LRRC37B: variants seen among roughly 807,000 people sequenced by gnomAD.
LRRC37B encodes leucine-rich repeat-containing protein 37B.
In LRRC37B, 28 loss-of-function variants were observed where a neutral mutation model predicts 98.3. The ratio of observed to expected loss-of-function variants is 0.28; its 90% CI spans 0.21 to 0.39. The LOEUF is 0.39. Ranked by LOEUF, LRRC37B falls within the 10% of genes least tolerant of loss-of-function variation. The pLI is 1.00. For synonymous variants in LRRC37B, 364 were observed against 442.7 expected, an observed-to-expected ratio of 0.82 and a Z score of 2.23; for missense variants, 938 against 1,182.7, an observed-to-expected ratio of 0.79 and a Z score of 3.03.
At position 32,008,651 on chromosome 17, in the gene LRRC37B, C is replaced by T. The variant is rs866406525; in HGVS notation, c.-191+519C>T. 7.9e-5 allele frequency among the ~76,000 whole-genome samples: 12 copies of T among 152,336 alleles called. No homozygotes were observed. The Middle Eastern group carries it at 0.014, about 173-fold the overall frequency. ...ACACAGAAAAACATGCCTGTGTTCACACCCCTAGCTGTGGTTTTTAAATTG... is the reference window on the plus strand; with the variant it reads ...ACACAGAAAAACATGCCTGTGTTCATACCCCTAGCTGTGGTTTTTAAATTG... On this transcript the variant is annotated intron_variant, in intron 1 of 14. Transcript: ENST00000543378.
chr17:32,009,558 C>T (rs1013945488), intron 1 of LRRC37B, among the ~76,000 whole-genome samples: 1 of 152,174 alleles, frequency 6.6e-6, no homozygotes, highest in Non-Finnish European at 1.5e-5. Flanking sequence ...CAGGCATGAG[C>T]CGCCATGCCT....
rs765622748 is a variant in LRRC37B at position 32,053,364 on chromosome 17, G to A, written c.*36G>A. 3 of 1,511,824 alleles carry A rather than the reference G, an allele frequency of 2.0e-6. No individual in the cohort carries two copies. The Admixed American group carries it at 6.8e-5, about 34-fold the overall frequency. 93.7% of individuals were successfully genotyped at this position (1,511,824 alleles called of 1,614,324 possible). Reference sequence around the variant, plus strand: ...AAGCATGTGGATGGCCTGGAGCTATGTTTTTAAAATTGTTATTAAATATTG... The same window carrying A: ...AAGCATGTGGATGGCCTGGAGCTATATTTTTAAAATTGTTATTAAATATTG... On this transcript the variant is annotated 3_prime_UTR_variant, in exon 12 of 12. Transcript: ENST00000327564.
intron 7 of LRRC37B, chr17:32,040,813 C>A: frequency 1.2e-6 from 1 of 826,910 alleles, no homozygotes; most frequent in South Asian, 1.4e-5. Flanking sequence ...GTGAAGGACT[C>A]CCTGGACATA....
At chr17:32,023,226 A>G (rs1232730262) in intron 1 of LRRC37B, among the ~76,000 whole-genome samples, 1 of 149,280 alleles carries the variant, frequency 6.7e-6, no homozygotes, top group African/African-American at 2.5e-5. Context: ...GGTTCAAGTG[A>G]TTCTCCTGCC....
intron 7 of LRRC37B, among the ~76,000 whole-genome samples, chr17:32,037,878 C>G (rs1351771637): frequency 6.6e-6 from 1 of 151,938 alleles, no homozygotes; most frequent in Non-Finnish European, 1.5e-5. Context: ...GAGGCCAAGG[C>G]GGGTGGATCA....
At chr17:32,047,335 AC>A (rs1306276257) in intron 8 of LRRC37B, 1 of 227,614 alleles carries the variant, frequency 4.4e-6, no homozygotes, top group Non-Finnish European at 8.8e-6. Context: ...TAGCAAGAAC[AC>A]GGGCACACTG....
intron 9 of LRRC37B, 24 bp downstream of exon 12, chr17:32,047,925 G>T (rs753936900): frequency 6.2e-7 from 1 of 1,614,134 alleles, no homozygotes; most frequent in Non-Finnish European, 8.5e-7. Context: ...CACCAATGAC[G>T]AGAGTGATGT....
intron 7 of LRRC37B, among the ~76,000 whole-genome samples, chr17:32,038,396 C>T (rs1157783720): frequency 6.6e-6 from 1 of 151,582 alleles, no homozygotes; most frequent in Non-Finnish European, 1.5e-5. Flanking sequence ...GAGGTCGAGG[C>T]TCTGCAGTGA....
At chr17:32,011,363 T>A (rs576217687) in intron 1 of LRRC37B, among the ~76,000 whole-genome samples, 3 of 152,186 alleles carry the variant, frequency 2.0e-5, no homozygotes, top group Admixed American at 2.0e-4. Flanking sequence ...CTTTGATTTT[T>A]CTTTCTTTCT....
At chr17:32,041,002 A>G (rs1911410680) in intron 7 of LRRC37B, 2 of 797,582 alleles carry the variant, frequency 2.5e-6, no homozygotes, top group Non-Finnish European at 4.6e-6. Context: ...GAGGACTCCA[A>G]GGAGGTAGCA....
intron 3 of LRRC37B, among the ~76,000 whole-genome samples, chr17:32,029,854 G>A (rs901977325): frequency 5.3e-5 from 8 of 152,156 alleles, no homozygotes; most frequent in African/African-American, 1.7e-4. Flanking sequence ...TCTGGACTCC[G>A]CCCTCATAGT....
chr17:32,025,499 G>C (rs2142244270), intron 2 of LRRC37B, among the ~76,000 whole-genome samples: 1 of 151,568 alleles, frequency 6.6e-6, no homozygotes, highest in East Asian at 1.9e-4. Context: ...AAGCAAAATA[G>C]ATTTGTTGTG....
chr17:32,032,445 A>G (rs1281413807), intron 5 of LRRC37B, among the ~76,000 whole-genome samples: 3 of 152,172 alleles, frequency 2.0e-5, no homozygotes, highest in Non-Finnish European at 4.4e-5. Flanking sequence ...CTTCTACCGT[A>G]AGTGCAAAAA....
chr17:32,022,284 T>C (rs762363996), exon 1 of LRRC37B: 4 of 1,613,844 alleles, frequency 2.5e-6, no homozygotes, highest in Non-Finnish European at 3.4e-6. Flanking sequence ...GGCGGAACCT[T>C]CTTCTACAGC....
chr17:32,014,299 A>T, intron 1 of LRRC37B, among the ~76,000 whole-genome samples: 1 of 152,250 alleles, frequency 6.6e-6, no homozygotes, highest in East Asian at 1.9e-4. Flanking sequence ...CATGTGTGTG[A>T]TAGAGCCGGT....
upstream of LRRC37B, among the ~76,000 whole-genome samples, chr17:32,019,932 A>G (rs1214141222): frequency 6.6e-6 from 1 of 152,050 alleles, no homozygotes; most frequent in Non-Finnish European, 1.5e-5. Context: ...GCTCACTGCA[A>G]CCTCTGCCTC....
At chr17:32,030,068 T>C (rs1911070305) in intron 3 of LRRC37B, among the ~76,000 whole-genome samples, 1 of 152,166 alleles carries the variant, frequency 6.6e-6, no homozygotes, top group African/African-American at 2.4e-5. Flanking sequence ...AAGCCCCATC[T>C]CTGTATAACT....
chr17:32,024,001 C>T (rs1297013854), intron 1 of LRRC37B, among the ~76,000 whole-genome samples: 1 of 151,548 alleles, frequency 6.6e-6, no homozygotes, highest in Non-Finnish European at 1.5e-5. Flanking sequence ...TTAAAGAGTA[C>T]ACAATGAGGT....
At chr17:32,009,285 A>G (rs1384720888) in intron 1 of LRRC37B, among the ~76,000 whole-genome samples, 2 of 150,622 alleles carry the variant, frequency 1.3e-5, no homozygotes, top group Non-Finnish European at 2.9e-5. Flanking sequence ...TTTTTGAGGT[A>G]GAGTCTTGCT....
Sources: gnomAD v4.1 joint callset for allele counts (sites outside exome capture counted in the v4.1 genomes callset) on GRCh38, gnomAD v4.1.1 for gene constraint, MANE v1.5 for transcripts, NCBI Gene and HGNC (gene_info 2026-07-23, HGNC 2026-07-21) for gene names.